Variants in FRK observed in about 807,000 individuals in gnomAD.
FRK encodes the protein fyn related Src family tyrosine kinase.
In FRK, 51 loss-of-function variants were observed where a neutral mutation model predicts 56.4. The observed-to-expected ratio is 0.90, with a 90% CI of 0.72 to 1.14. The LOEUF is 1.14. Among genes scored for constraint, FRK ranks in the 50% most tolerant of loss-of-function variants. FRK has a pLI of 0.00. For missense variants in FRK, 570 were observed against 601.4 expected, an observed-to-expected ratio of 0.95 and a Z score of 0.55; for synonymous variants, 245 against 217.9, an observed-to-expected ratio of 1.12 and a Z score of -1.10.
intron 1 of FRK, among the ~76,000 whole-genome samples, chr6:116,008,495 T>C (rs749264072): frequency 6.6e-6 from 1 of 152,254 alleles, no homozygotes; most frequent in Non-Finnish European, 1.5e-5. Context: ...GTGGCATTTA[T>C]AACATCGTCC....
chr6:115,975,615 C>A (rs1339599399), intron 2 of FRK, among the ~76,000 whole-genome samples: 1 of 152,018 alleles, frequency 6.6e-6, no homozygotes, highest in Non-Finnish European at 1.5e-5. Flanking sequence ...TTCCTACAGA[C>A]TATAAGTGAA....
At chr6:115,955,929 A>C (rs1582643746) in intron 5 of FRK, among the ~76,000 whole-genome samples, 1 of 152,244 alleles carries the variant, frequency 6.6e-6, no homozygotes, top group Middle Eastern at 3.2e-3. Flanking sequence ...GAAATAAAGT[A>C]ATAGCATATT....
chr6:116,039,438 C>A (rs1045191026), intron 1 of FRK: 1 of 1,573,342 alleles, frequency 6.4e-7, no homozygotes, highest in Non-Finnish European at 8.7e-7. Context: ...ATGGCTTCCT[C>A]GTGGGTGATG....
intron 1 of FRK, among the ~76,000 whole-genome samples, chr6:116,044,336 A>G (rs1776853920): frequency 6.6e-6 from 1 of 152,254 alleles, no homozygotes; most frequent in Non-Finnish European, 1.5e-5. Context: ...AAAATCCTCA[A>G]TAAAATACTG....
chr6:116,082,937 T>A, the FRK span, among the ~76,000 whole-genome samples: 1 of 151,748 alleles, frequency 6.6e-6, no homozygotes, highest in East Asian at 1.9e-4. Flanking sequence ...GGAACAGAGA[T>A]GTTTAGACAT....
the FRK span, among the ~76,000 whole-genome samples, chr6:116,087,646 G>T: frequency 4.6e-5 from 7 of 152,238 alleles, no homozygotes; most frequent in East Asian, 1.2e-3. Flanking sequence ...AGATACAGAA[G>T]GAACAGGGGG....
At chr6:116,004,580 C>T (rs1270005643) in intron 1 of FRK, among the ~76,000 whole-genome samples, 3 of 152,106 alleles carry the variant, frequency 2.0e-5, no homozygotes, top group Middle Eastern at 3.2e-3. Flanking sequence ...TATAAAGGAA[C>T]ATTTAAGCAG....
intron 2 of FRK, among the ~76,000 whole-genome samples, chr6:115,976,763 A>G (rs1774006654): frequency 6.6e-6 from 1 of 152,118 alleles, no homozygotes; most frequent in Non-Finnish European, 1.5e-5. Context: ...GAGAATAATG[A>G]TCTTATCTAT....
At chr6:115,950,740 T>C (rs1012901631) in intron 5 of FRK, among the ~76,000 whole-genome samples, 8 of 152,316 alleles carry the variant, frequency 5.3e-5, no homozygotes, top group African/African-American at 1.9e-4. Context: ...TGTGGCACTA[T>C]TCACAATAGC....
Position 116,038,929 on chromosome 6 carries a change from T to C in FRK, c.344+21039A>G, listed in dbSNP as rs1776600863. 4.7e-6 allele frequency: 3 copies of C among 641,006 alleles called. No individual in the cohort carries two copies. The African/African-American group carries it at 5.4e-5, about 12-fold the overall frequency. The allele number at this position is 641,006 out of a possible 1,614,324, so 39.7% of individuals were successfully genotyped here. A position where few individuals can be genotyped will look rare whatever the true frequency, so the allele number is the denominator to read the frequency against. On this transcript the variant is annotated intron_variant, in intron 1 of 7. Coordinates refer to ENST00000606080, the MANE Select transcript of FRK (RefSeq NM_002031.3). ...TTGCCCCAGAAGCTAGAGCCCAAGA[T>C]TGCTGTGGCTGCGCAGAACTGCTAC...
At chr6:116,016,394 A>G (rs530652010) in intron 1 of FRK, among the ~76,000 whole-genome samples, 1 of 152,344 alleles carries the variant, frequency 6.6e-6, no homozygotes, top group African/African-American at 2.4e-5. Flanking sequence ...TCCAATTCAG[A>G]TTATATTAAT....
chr6:115,970,576 C>T (rs929111620), intron 2 of FRK, among the ~76,000 whole-genome samples: 11 of 152,082 alleles, frequency 7.2e-5, no homozygotes, highest in African/African-American at 2.7e-4. Context: ...ATGAATCTCG[C>T]AAACTCAAAT....
At chr6:116,023,710 G>A (rs1775966397) in intron 1 of FRK, among the ~76,000 whole-genome samples, 1 of 152,052 alleles carries the variant, frequency 6.6e-6, no homozygotes, top group South Asian at 2.1e-4. Context: ...TTGTCCTGGT[G>A]CATAAGGAGG....
intron 1 of FRK, among the ~76,000 whole-genome samples, chr6:116,040,468 T>C (rs1401621537): frequency 6.6e-6 from 1 of 152,176 alleles, no homozygotes; most frequent in African/African-American, 2.4e-5. Context: ...TTGCAAACAA[T>C]ATATTATTTG....
upstream of FRK, among the ~76,000 whole-genome samples, chr6:116,061,399 AACACACACACACACACAC>A (rs3049929): frequency 6.8e-6 from 1 of 146,574 alleles, no homozygotes; most frequent in African/African-American, 2.5e-5. Flanking sequence ...CTATTTGGGA[AACACACACACACACACAC>A]ACACACACAC....
At chr6:115,970,753 T>C (rs1773779211) in intron 2 of FRK, among the ~76,000 whole-genome samples, 1 of 152,032 alleles carries the variant, frequency 6.6e-6, no homozygotes, top group Non-Finnish European at 1.5e-5. Context: ...ATAATAATAA[T>C]TGTTTTTAAA....
intron 2 of FRK, among the ~76,000 whole-genome samples, chr6:115,972,032 G>C (rs1582665081): frequency 6.6e-6 from 1 of 152,202 alleles, no homozygotes; most frequent in Admixed American, 6.5e-5. Context: ...GGGCTTCCCT[G>C]TCTCTAAAGG....
intron 1 of FRK, among the ~76,000 whole-genome samples, chr6:116,007,748 G>A (rs1401498010): frequency 2.6e-5 from 4 of 152,082 alleles, no homozygotes; most frequent in African/African-American, 9.7e-5. Context: ...GAATGGCATT[G>A]TCCTATTAAT....
rs1246276760 is a variant in FRK at position 115,942,446 on chromosome 6, A to G, written c.1486T>C (p.Ser496Pro). 1 of 1,613,428 alleles carries G rather than the reference A, an allele frequency of 6.2e-7. No homozygotes were observed. Among genetic ancestry groups the G allele is most frequent in the Non-Finnish European group, 8.5e-7 (1 of 1,179,586 alleles). The stretch of plus-strand genomic sequence containing the variant: ...ATGAAGTTATTTGCATCTGAATATG[A>G]AGAGTCTGTTTCAAAATAGTCTTCA... Reference protein sequence around the residue: ...KLEDYFETDSSYSDANNFIR With the variant: ...KLEDYFETDSPYSDANNFIR The change falls in exon 8 of 8, where the codon TCA becomes CCA. Residue 496 changes from serine (S) to proline (P), a missense_variant. Coordinates refer to ENST00000606080, the MANE Select transcript of FRK (RefSeq NM_002031.3).
Sources: allele counts gnomAD v4.1 joint callset (sites outside exome capture counted in the v4.1 genomes callset), GRCh38; gene constraint gnomAD v4.1.1; transcripts MANE v1.5; gene names NCBI Gene and HGNC (gene_info 2026-07-23, HGNC 2026-07-21).